EPC2: variants seen among roughly 807,000 people sequenced by gnomAD.
EPC2 encodes the protein enhancer of polycomb homolog 2.
A neutral mutation model predicts 92.1 loss-of-function variants in EPC2; 14 were observed. The ratio of observed to expected loss-of-function variants is 0.15; its 90% CI spans 0.10 to 0.24. The LOEUF (loss-of-function observed/expected upper bound fraction) is 0.24, where lower values mean the gene tolerates loss of function less well. Ranked by LOEUF, EPC2 falls within the 10% of genes least tolerant of loss-of-function variation. The probability of loss-of-function intolerance (pLI) is 1.00; values close to 1 mark genes in which losing one functional copy is unlikely to be tolerated. For missense variants in EPC2, 755 were observed against 971.5 expected (o/e 0.78, Z 2.96); for synonymous variants, 340 against 334.7 (o/e 1.02, Z -0.17).
chr2:148,744,512 A>G (rs1172326192), intron 3 of EPC2, among the ~76,000 whole-genome samples: 4 of 152,078 alleles, frequency 2.6e-5, no homozygotes, highest in Non-Finnish European at 4.4e-5. Flanking sequence ...GATTTAGAAA[A>G]CAGGATACAG....
chr2:148,778,455 G>A (rs1305654350), intron 10 of EPC2, among the ~76,000 whole-genome samples: 1 of 152,102 alleles, frequency 6.6e-6, no homozygotes, highest in Non-Finnish European at 1.5e-5. Context: ...AATCTCTTAT[G>A]AATGTATTTC....
intron 2 of EPC2, chr2:148,691,419 G>A: frequency 8.3e-7 from 1 of 1,208,514 alleles, no homozygotes; most frequent in Non-Finnish European, 1.2e-6. Context: ...TGGGTGTGAA[G>A]TCTGGTGATT....
chr2:148,644,786 C>T lies in EPC2; in HGVS notation c.-232C>T, dbSNP rs1235796797. On this transcript the variant is annotated 5_prime_UTR_variant, in exon 1 of 14. Transcript: ENST00000258484. ...GCCATGTTGGCCATGGCGCAGGGAGCGGATCGGGCGGGCGAGCGGCGGATC... is the reference window on the plus strand; with the variant it reads ...GCCATGTTGGCCATGGCGCAGGGAGTGGATCGGGCGGGCGAGCGGCGGATC... Among the ~76,000 whole-genome samples, 2 of 126,150 alleles carry T rather than the reference C, an allele frequency of 1.6e-5. No individual in the cohort carries two copies. Among genetic ancestry groups the T allele is most frequent in the South Asian group, 2.4e-4 (1 of 4,094 alleles). The allele number at this position is 126,150 out of a possible 152,430, so 82.8% of individuals were successfully genotyped here. A position where few individuals can be genotyped will look rare whatever the true frequency, so the allele number is the denominator to read the frequency against.
At chr2:148,780,483 G>A (rs1683726062) in intron 10 of EPC2, among the ~76,000 whole-genome samples, 1 of 152,120 alleles carries the variant, frequency 6.6e-6, no homozygotes, top group Non-Finnish European at 1.5e-5. Context: ...GGTAGATTGA[G>A]GCTATAGTTG....
intron 1 of EPC2, among the ~76,000 whole-genome samples, chr2:148,671,287 ATT>A (rs60048357): frequency 0.045 from 5,678 of 126,966 alleles, 91 homozygotes; most frequent in African/African-American, 0.094. Context: ...GTGGATTGTG[ATT>A]TTTTTTTTTT....
At chr2:148,761,092 C>G (rs1683294133) in intron 4 of EPC2, among the ~76,000 whole-genome samples, 3 of 152,160 alleles carry the variant, frequency 2.0e-5, no homozygotes, top group Admixed American at 1.3e-4. Flanking sequence ...TGAGCCTTTT[C>G]TAGTTATGTA....
chr2:148,694,720 A>G (rs1283362049), intron 2 of EPC2, among the ~76,000 whole-genome samples: 1 of 152,162 alleles, frequency 6.6e-6, no homozygotes, highest in Non-Finnish European at 1.5e-5. Flanking sequence ...AGTTGATACT[A>G]AATATCTTGG....
chr2:148,774,755 A>G (rs1311037766), intron 10 of EPC2, among the ~76,000 whole-genome samples: 1 of 151,656 alleles, frequency 6.6e-6, no homozygotes, highest in Non-Finnish European at 1.5e-5. Flanking sequence ...TGTTTTGTTA[A>G]CCTTTAAGTA....
At chr2:148,756,397 C>G (rs979909120) in intron 4 of EPC2, among the ~76,000 whole-genome samples, 1 of 152,094 alleles carries the variant, frequency 6.6e-6, no homozygotes, top group African/African-American at 2.4e-5. Flanking sequence ...TGAATACTCC[C>G]TAGGTGTTCA....
chr2:148,691,766 C>T (rs1158772676), intron 2 of EPC2: 1 of 791,398 alleles, frequency 1.3e-6, no homozygotes, highest in East Asian at 2.7e-5. Flanking sequence ...TTTGCTTCTC[C>T]TTTCTACCTA....
At chr2:148,682,603 A>G (rs1218690101) in intron 1 of EPC2, among the ~76,000 whole-genome samples, 2 of 152,170 alleles carry the variant, frequency 1.3e-5, no homozygotes, top group Admixed American at 6.5e-5. Context: ...CGAGTTACTC[A>G]TATACCTCAG....
At chr2:148,717,694 G>A (rs1159802443) in intron 2 of EPC2, among the ~76,000 whole-genome samples, 2 of 152,076 alleles carry the variant, frequency 1.3e-5, no homozygotes, top group Non-Finnish European at 2.9e-5. Flanking sequence ...AGTAAGTGCC[G>A]TGCAGTAATG....
intron 2 of EPC2, among the ~76,000 whole-genome samples, chr2:148,700,137 T>G (rs546975794): frequency 4.5e-4 from 68 of 152,338 alleles, no homozygotes; most frequent in Non-Finnish European, 8.8e-4. Flanking sequence ...CCTGTAGAGA[T>G]ATGTATTTTG....
chr2:148,741,519 A>G (rs1018947805), intron 2 of EPC2, among the ~76,000 whole-genome samples: 2 of 152,144 alleles, frequency 1.3e-5, no homozygotes, highest in Non-Finnish European at 2.9e-5. Context: ...CTAAAATTAG[A>G]TAATTATATA....
chr2:148,660,208 G>A (rs1332386462), intron 1 of EPC2, among the ~76,000 whole-genome samples: 1 of 152,082 alleles, frequency 6.6e-6, no homozygotes, highest in African/African-American at 2.4e-5. Context: ...GAGAGAAAGA[G>A]AAAGAGAGGT....
chr2:148,750,210 A>G (rs918727686), intron 3 of EPC2, among the ~76,000 whole-genome samples: 4 of 152,152 alleles, frequency 2.6e-5, no homozygotes, highest in African/African-American at 9.7e-5. Context: ...CTTTAGAGGA[A>G]GAAATGAATT....
At position 148,691,752 on chromosome 2, in the gene EPC2, A is replaced by AT. The variant is rs528719738; in HGVS notation, c.313+1385dup. 4.5e-3 allele frequency: 4,044 copies of AT among 902,010 alleles called. 21 individuals carry two copies. Among genetic ancestry groups the AT allele is most frequent in the Middle Eastern group, 7.1e-3 (34 of 4,768 alleles). The allele number at this position is 902,010 out of a possible 1,614,324, so 55.9% of individuals were successfully genotyped here. ...TGCTCAAGGTTCAGTTCTCAGGAAG[A>AT]TTTTTTGCTTCTCCTTTCTACCTAA... On this transcript the variant is annotated intron_variant, in intron 2 of 13. Transcript: ENST00000258484.
chr2:148,679,682 A>G (rs1212855175), intron 1 of EPC2, among the ~76,000 whole-genome samples: 4 of 152,094 alleles, frequency 2.6e-5, no homozygotes, highest in Non-Finnish European at 4.4e-5. Context: ...GTCTTGCTCT[A>G]TCTCCCAGGC....
At chr2:148,653,259 A>G (rs951386720) in intron 1 of EPC2, among the ~76,000 whole-genome samples, 2 of 152,234 alleles carry the variant, frequency 1.3e-5, no homozygotes, top group Non-Finnish European at 2.9e-5. Flanking sequence ...TTGGTAAACA[A>G]TGCAGCTCTG....
Sources: allele counts gnomAD v4.1 joint callset (sites outside exome capture counted in the v4.1 genomes callset), GRCh38; gene constraint gnomAD v4.1.1; transcripts MANE v1.5; gene names NCBI Gene and HGNC (gene_info 2026-07-23, HGNC 2026-07-21).